The following EARS2 variants were observed in gnomAD, a reference collection of about 807,000 sequenced individuals.
EARS2 encodes the protein glutamyl-tRNA synthetase 2, mitochondrial.
A neutral mutation model predicts 54.1 loss-of-function variants in EARS2; 50 were observed. The observed-to-expected ratio is 0.92, with a 90% CI of 0.74 to 1.17. The LOEUF is 1.17. Ranked by LOEUF, EARS2 falls within the 50% of genes most tolerant of loss-of-function variation. The pLI, the probability that EARS2 is intolerant of heterozygous loss-of-function variation, is 0.00. For missense variants in EARS2, 673 were observed against 675.0 expected, an observed-to-expected ratio of 1.00 and a Z score of 0.03; for synonymous variants, 298 against 281.0, an observed-to-expected ratio of 1.06 and a Z score of -0.61.
chr16:23,536,682 CTTTT>C (rs953231916), intron 3 of EARS2, among the ~76,000 whole-genome samples: 2 of 113,482 alleles, frequency 1.8e-5, no homozygotes, highest in Admixed American at 8.9e-5. Context: ...CTTTTTTTTT[CTTTT>C]TTTTTTTTTT....
rs1051448304 is a variant in EARS2, at chr16:23,556,891, T to C, written c.139+314A>G. ...ACTTCCACAGAGCAAGGCCCCTACC[T>C]TTCTCAATGATCACTGTATCCCAGC... On this transcript the variant is annotated intron_variant, in intron 1 of 8. Transcript: ENST00000449606. 4.0e-5 allele frequency: 24 copies of C among 601,266 alleles called. No homozygotes were observed. In the East Asian group the frequency reaches 6.9e-4, roughly 17 times the overall value. The allele number at this position is 601,266 out of a possible 1,614,324, so 37.2% of individuals were successfully genotyped here.
intron 1 of EARS2, among the ~76,000 whole-genome samples, chr16:23,555,354 G>A (rs1056196429): frequency 5.9e-5 from 9 of 152,120 alleles, no homozygotes; most frequent in African/African-American, 1.9e-4. Flanking sequence ...GGGCGTAGTG[G>A]TCACACACTT....
chr16:23,528,998 A>G (rs1309497738), intron 7 of EARS2, among the ~76,000 whole-genome samples: 1 of 152,228 alleles, frequency 6.6e-6, no homozygotes, highest in Non-Finnish European at 1.5e-5. Context: ...CAGAGAGCGA[A>G]AGCGAATCTT....
At chr16:23,546,444 A>G (rs1417458885) in intron 2 of EARS2, 1 of 456,070 alleles carries the variant, frequency 2.2e-6, no homozygotes, top group Non-Finnish European at 4.4e-6. Context: ...TCTGTCAAAG[A>G]AGGAAACAAG....
rs149653133 is a variant in EARS2, at chr16:23,556,257, G to A, written c.139+948C>T. ...AAAGGCCCTGACGAGATCTCCAACA[G>A]GCTATACAATGGGCCTCTGTCACCC... is the stretch of plus-strand genomic sequence containing the variant. On this transcript the variant is annotated intron_variant, in intron 1 of 8. Transcript: ENST00000449606. 6.6e-5 allele frequency among the ~76,000 whole-genome samples: 10 copies of A among 152,268 alleles called. 1 individual carries two copies. The highest frequency in any genetic ancestry group is 4.6e-4 in the Admixed American group (7 of 15,298).
chr16:23,552,453 G>A, intron 1 of EARS2, 149 bp from the exon 2 acceptor site: 1 of 862,374 alleles, frequency 1.2e-6, no homozygotes, highest in East Asian at 2.7e-5. Flanking sequence ...CTACCACTTT[G>A]GGAGGCCAAG....
intron 5 of EARS2, among the ~76,000 whole-genome samples, chr16:23,530,866 A>G (rs982440829): frequency 1.3e-5 from 2 of 150,618 alleles, no homozygotes; most frequent in Non-Finnish European, 3.0e-5. Context: ...ACAGGGCGAG[A>G]CCCAGCCACT....
upstream of EARS2, chr16:23,557,369 T>C: frequency 6.5e-7 from 1 of 1,536,978 alleles, no homozygotes; most frequent in South Asian, 1.2e-5. Flanking sequence ...ACACGTGGGC[T>C]TCTCCCTGCG....
intron 2 of EARS2, among the ~76,000 whole-genome samples, chr16:23,550,627 T>C (rs1965679764): frequency 6.6e-6 from 1 of 151,864 alleles, no homozygotes; most frequent in Non-Finnish European, 1.5e-5. Flanking sequence ...TTAGTAGAGA[T>C]GGGGTTTCAC....
intron 5 of EARS2, among the ~76,000 whole-genome samples, chr16:23,532,263 G>T (rs887599864): frequency 5.3e-5 from 8 of 152,298 alleles, no homozygotes; most frequent in Admixed American, 5.2e-4. Flanking sequence ...GTGTTGGCTG[G>T]ATGTAAGGCT....
intron 7 of EARS2, 44 bp from the exon 8 acceptor site, chr16:23,525,423 G>T: frequency 6.3e-7 from 1 of 1,581,510 alleles, no homozygotes; most frequent in Admixed American, 1.8e-5. Context: ...TGGGCCAATG[G>T]CAAGTGGGTG....
chr16:23,548,884 G>T (rs2369007), intron 2 of EARS2, among the ~76,000 whole-genome samples: 129,858 of 151,532 alleles, frequency 0.86, 55,835 homozygotes, highest in Middle Eastern at 0.91. Flanking sequence ...CGGCAGGCAT[G>T]CCCCCATTCT....
At chr16:23,539,070 CT>C (rs1965471969) in intron 3 of EARS2, among the ~76,000 whole-genome samples, 1 of 146,606 alleles carries the variant, frequency 6.8e-6, no homozygotes, top group Non-Finnish European at 1.5e-5. Context: ...CTCCATCTCC[CT>C]AGTTCAGCTG....
In EARS2 at chr16:23,544,696, C is replaced by G. The variant is rs1192543225; in HGVS notation, c.303G>C (p.Pro101=). Residue 101 remains proline, a synonymous_variant, in exon 3 of 9, where the codon CCG becomes CCC. Coordinates refer to ENST00000449606, the MANE Select transcript of EARS2 (RefSeq NM_001083614.2). ...IEDMLEWAGI[P]PDESPRRGGP... The stretch of plus-strand genomic sequence containing the variant: ...CGCCCCGGCGGGGGCTCTCATCAGG[C>G]GGGATGCCTGGAACACAGGGAATAA... The G allele has an allele frequency of 6.2e-7, 1 of 1,600,430 alleles. No individual in the cohort carries two copies. Among genetic ancestry groups the G allele is most frequent in the South Asian group, 1.1e-5 (1 of 89,318 alleles).
chr16:23,552,277 G>T lies in EARS2; in HGVS notation c.167C>A (p.Thr56Asn). Residue 56 changes from threonine to asparagine, a missense_variant, in exon 2 of 9, where the codon ACT (threonine) becomes AAT (asparagine). By Grantham distance (65) the Thr-to-Asn change is moderately conservative (BLOSUM62 0). Coordinates refer to ENST00000449606, the MANE Select transcript of EARS2 (RefSeq NM_001083614.2). The stretch of plus-strand genomic sequence containing the variant: ...AGCAAAGATGTAGTTGTACAAGGCA[G>T]TGCGGAGGCCACCCAGGTGCAAGAA... ...TGFLHLGGLRTALYNYIFAKK... is the reference protein window; with the variant it reads ...TGFLHLGGLRNALYNYIFAKK... 1 of 1,614,196 alleles carries T rather than the reference G, an allele frequency of 6.2e-7. No individual in the cohort carries two copies. The highest frequency in any genetic ancestry group is 8.5e-7 in the Non-Finnish European group (1 of 1,180,012).
At chr16:23,553,641 C>T (rs1965731345) in intron 1 of EARS2, among the ~76,000 whole-genome samples, 1 of 151,956 alleles carries the variant, frequency 6.6e-6, no homozygotes, top group Admixed American at 6.6e-5. Context: ...CCTTTAATCC[C>T]AGCACTTTGG....
chr16:23,532,591 G>T (rs2142168245), intron 5 of EARS2, 66 bp downstream of exon 5: 2 of 1,201,898 alleles, frequency 1.7e-6, no homozygotes, highest in South Asian at 1.3e-5. Context: ...TATACCCTCT[G>T]CTGTAGGGAT....
chr16:23,526,185 T>G (rs1965226267), intron 7 of EARS2, among the ~76,000 whole-genome samples: 1 of 144,372 alleles, frequency 6.9e-6, no homozygotes, highest in African/African-American at 2.6e-5. Flanking sequence ...CGATCTCAGC[T>G]CACTGCAACC....
Position 23,552,327 on chromosome 16 carries a change from T to A in EARS2, c.140-23A>T, listed in dbSNP as rs145972542. 6.2e-6 allele frequency: 10 copies of A among 1,612,130 alleles called. No individual in the cohort carries two copies. The Admixed American group carries it at 1.7e-4, about 27-fold the overall frequency. On this transcript the variant is annotated intron_variant, in intron 1 of 8. Transcript: ENST00000449606. Reference sequence around the variant, plus strand: ...AGCCTGGAGAAGAGAACAGCTCAGATAAGACAGGGAAGATAAGCTAATAGG... The same window carrying A: ...AGCCTGGAGAAGAGAACAGCTCAGAAAAGACAGGGAAGATAAGCTAATAGG...
Sources: gnomAD v4.1 joint callset for allele counts (sites outside exome capture counted in the v4.1 genomes callset) on GRCh38, gnomAD v4.1.1 for gene constraint, MANE v1.5 for transcripts, NCBI Gene and HGNC (gene_info 2026-07-23, HGNC 2026-07-21) for gene names.